HMBOX1: variants seen among roughly 807,000 people sequenced by gnomAD.
HMBOX1 encodes the protein homeobox containing 1.
HMBOX1 carries 14 observed loss-of-function variants against 54.5 expected under a neutral mutation model. The observed-to-expected ratio is 0.26, with a 90% CI of 0.17 to 0.40. HMBOX1 has a LOEUF of 0.40. HMBOX1 is among the 10% of genes least tolerant of loss of function. The pLI is 1.00. For missense variants in HMBOX1, 332 were observed against 514.4 expected (o/e 0.65, Z 3.43); for synonymous variants, 160 against 181.0 (o/e 0.88, Z 0.93).
chr8:29,050,087 C>T (rs773015561), intron 9 of HMBOX1: 8 of 213,724 alleles, frequency 3.7e-5, no homozygotes, highest in Non-Finnish European at 5.6e-5. Flanking sequence ...GTAAGTCTTT[C>T]TGTTCGGAAA....
intron 5 of HMBOX1, among the ~76,000 whole-genome samples, chr8:29,012,651 G>A (rs1184035521): frequency 6.6e-6 from 1 of 152,178 alleles, no homozygotes; most frequent in African/African-American, 2.4e-5. Flanking sequence ...TGGGAGTACA[G>A]GGGTAAGGAG....
intron 2 of HMBOX1, among the ~76,000 whole-genome samples, chr8:28,965,781 T>C (rs756181618): frequency 7.2e-5 from 11 of 152,176 alleles, no homozygotes; most frequent in Non-Finnish European, 1.6e-4. Context: ...TCTGTTAAGC[T>C]CTTGAGTGTA....
intron 3 of HMBOX1, among the ~76,000 whole-genome samples, chr8:28,978,755 C>G (rs1432371033): frequency 7.1e-6 from 1 of 140,356 alleles, no homozygotes; most frequent in East Asian, 2.1e-4. Context: ...CCACTGCACT[C>G]CAGCCCGAGC....
At chr8:28,911,697 T>A (rs1234877255) in intron 1 of HMBOX1, among the ~76,000 whole-genome samples, 1 of 152,146 alleles carries the variant, frequency 6.6e-6, no homozygotes, top group African/African-American at 2.4e-5. Flanking sequence ...AACTTGCCCC[T>A]GCTGCAGTGG....
intron 1 of HMBOX1, among the ~76,000 whole-genome samples, chr8:28,936,383 T>C (rs1820405302): frequency 2.0e-5 from 3 of 151,992 alleles, no homozygotes; most frequent in African/African-American, 7.2e-5. Context: ...ATAATATCAT[T>C]TATGAAGTAA....
At chr8:28,975,632 C>A (rs1479843458) in intron 3 of HMBOX1, among the ~76,000 whole-genome samples, 1 of 152,006 alleles carries the variant, frequency 6.6e-6, no homozygotes, top group African/African-American at 2.4e-5. Context: ...TGGTTAGTTG[C>A]AAATCAGGTG....
At chr8:29,006,772 T>C (rs1833513219) in intron 4 of HMBOX1, among the ~76,000 whole-genome samples, 1 of 152,238 alleles carries the variant, frequency 6.6e-6, no homozygotes, top group African/African-American at 2.4e-5. Context: ...TTCTGTTGTC[T>C]AGCGAGCTCT....
intron 2 of HMBOX1, among the ~76,000 whole-genome samples, chr8:28,969,740 C>T (rs1044886632): frequency 5.3e-5 from 8 of 152,106 alleles, no homozygotes; most frequent in African/African-American, 1.4e-4. Context: ...TGTACCTAAT[C>T]TATTGTTCTG....
intron 1 of HMBOX1, among the ~76,000 whole-genome samples, chr8:28,958,122 C>A (rs1157689159): frequency 6.6e-6 from 1 of 151,836 alleles, no homozygotes; most frequent in Non-Finnish European, 1.5e-5. Flanking sequence ...TCTTTTATTT[C>A]AGGGTTTGGT....
At chr8:28,935,916 C>T (rs1820326795) in intron 1 of HMBOX1, among the ~76,000 whole-genome samples, 1 of 151,980 alleles carries the variant, frequency 6.6e-6, no homozygotes, top group Non-Finnish European at 1.5e-5. Flanking sequence ...GTTATTTTCT[C>T]TGAGTGTTGG....
chr8:28,961,180 A>G (rs1015730446), intron 1 of HMBOX1, among the ~76,000 whole-genome samples: 1 of 152,142 alleles, frequency 6.6e-6, no homozygotes, highest in Non-Finnish European at 1.5e-5. Context: ...CTTTTAATAT[A>G]AAGTTTTTAT....
At chr8:28,915,122 G>A (rs1289176504) in intron 1 of HMBOX1, among the ~76,000 whole-genome samples, 1 of 152,104 alleles carries the variant, frequency 6.6e-6, no homozygotes, top group Non-Finnish European at 1.5e-5. Flanking sequence ...GTAGTGTTGT[G>A]TTGTTTTACT....
chr8:29,037,892 C>T (rs1370719221), intron 6 of HMBOX1, among the ~76,000 whole-genome samples: 1 of 152,138 alleles, frequency 6.6e-6, no homozygotes, highest in African/African-American at 2.4e-5. Flanking sequence ...GCCCACTGCC[C>T]AGTAAGTTTA....
upstream of HMBOX1, chr8:28,890,233 C>G (rs1321476629): frequency 4.8e-6 from 1 of 207,654 alleles, no homozygotes; most frequent in Non-Finnish European, 9.8e-6. Flanking sequence ...ACGGCTCCGA[C>G]TCCCCTTTCC....
chr8:29,011,823 T>C (rs1224517007), intron 5 of HMBOX1, among the ~76,000 whole-genome samples: 2 of 152,212 alleles, frequency 1.3e-5, no homozygotes, highest in South Asian at 4.1e-4. Flanking sequence ...AACTAGGGAA[T>C]TGAAACCAGC....
At chr8:28,909,540 GAGA>G (rs1198399554) in intron 1 of HMBOX1, among the ~76,000 whole-genome samples, 6 of 152,292 alleles carry the variant, frequency 3.9e-5, no homozygotes, top group Middle Eastern at 3.4e-3. Flanking sequence ...ACCAGACTTT[GAGA>G]AGAACTGTCC....
intron 1 of HMBOX1, among the ~76,000 whole-genome samples, chr8:28,954,696 C>T (rs1411777268): frequency 1.3e-5 from 2 of 152,138 alleles, no homozygotes; most frequent in Non-Finnish European, 1.5e-5. Context: ...AATGTATATA[C>T]TCTGTCACAA....
intron 1 of HMBOX1, among the ~76,000 whole-genome samples, chr8:28,894,954 A>AG (rs1425453845): frequency 1.3e-5 from 2 of 151,906 alleles, no homozygotes; most frequent in Non-Finnish European, 2.9e-5. Flanking sequence ...AAAAAAAAAA[A>AG]CAGTAACAAT....
intron 6 of HMBOX1, among the ~76,000 whole-genome samples, chr8:29,035,729 C>A (rs1586631455): frequency 6.6e-6 from 1 of 152,186 alleles, no homozygotes; most frequent in Non-Finnish European, 1.5e-5. Flanking sequence ...TGTGCATGTT[C>A]TTTTTCTTCA....
Sources: gnomAD v4.1 joint callset for allele counts (sites outside exome capture counted in the v4.1 genomes callset) on GRCh38, gnomAD v4.1.1 for gene constraint, MANE v1.5 for transcripts, NCBI Gene and HGNC (gene_info 2026-07-23, HGNC 2026-07-21) for gene names.